The following NFIA variants were observed in gnomAD, a reference collection of about 807,000 sequenced individuals.
The protein encoded by NFIA is nuclear factor I A.
Under a neutral mutation model 62.8 loss-of-function variants are expected in NFIA, and 8 were observed. That is an observed-to-expected ratio of 0.13 (90% CI 0.07 to 0.23). The LOEUF (loss-of-function observed/expected upper bound fraction) is 0.23, where lower values mean the gene tolerates loss of function less well. Ranked by LOEUF, NFIA falls within the 10% of genes least tolerant of loss-of-function variation. The pLI is 1.00. For synonymous variants in NFIA, 235 were observed against 238.1 expected (o/e 0.99, Z 0.12); for missense variants, 410 against 642.1 (o/e 0.64, Z 3.91).
intron 10 of NFIA, among the ~76,000 whole-genome samples, chr1:61,449,622 G>C (rs952447046): frequency 6.6e-6 from 1 of 152,190 alleles, no homozygotes; most frequent in African/African-American, 2.4e-5. Flanking sequence ...GGATCCGGAA[G>C]AAGTTTAAGG....
At chr1:61,200,415 A>G (rs1367206861) in intron 2 of NFIA, among the ~76,000 whole-genome samples, 1 of 152,146 alleles carries the variant, frequency 6.6e-6, no homozygotes, top group Non-Finnish European at 1.5e-5. Context: ...TCACACAGAA[A>G]AAAAAAGAAA....
At chr1:61,216,977 G>A (rs577370068) in intron 2 of NFIA, among the ~76,000 whole-genome samples, 2 of 151,790 alleles carry the variant, frequency 1.3e-5, no homozygotes, top group South Asian at 4.2e-4. Flanking sequence ...TCCAGCCTGG[G>A]TGACAGAATG....
At position 61,284,515 on chromosome 1, in the gene NFIA, C is replaced by T. The variant is rs1233832030; in HGVS notation, c.625+6930C>T. 2.0e-5 allele frequency among the ~76,000 whole-genome samples: 3 copies of T among 148,934 alleles called. No homozygotes were observed. In the South Asian group the frequency reaches 6.3e-4, roughly 31 times the overall value. ...CAAGTGCATGACGCAGTGGAGGCTG[C>T]AGAGCTTAAGCCACGGGATCCAGTG... is the stretch of plus-strand genomic sequence containing the variant. On this transcript the variant is annotated intron_variant, in intron 3 of 10. Transcript: ENST00000403491.
intron 3 of NFIA, among the ~76,000 whole-genome samples, chr1:61,325,932 CAAA>C (rs36122626): frequency 2.5e-4 from 22 of 87,910 alleles, no homozygotes; most frequent in African/African-American, 9.2e-4. Context: ...GACTCTGTCT[CAAA>C]AAAAAAAAAA....
rs141022609 is a variant in NFIA at position 61,144,749 on chromosome 1, C to T, written c.559+56069C>T. ...TTGCTTTTCTCTCTCCAGGATCCAGCACCTGGCCTGGCACAGGGTACATGC... is the reference window on the plus strand; with the variant it reads ...TTGCTTTTCTCTCTCCAGGATCCAGTACCTGGCCTGGCACAGGGTACATGC... On this transcript the variant is annotated intron_variant, in intron 2 of 10. Coordinates refer to ENST00000403491, the MANE Select transcript of NFIA (RefSeq NM_001134673.4). 2.0e-5 allele frequency among the ~76,000 whole-genome samples: 3 copies of T among 152,348 alleles called. No homozygotes were observed. In the East Asian group the frequency reaches 5.8e-4, roughly 29 times the overall value.
chr1:61,250,855 GA>G (rs1202802545), intron 2 of NFIA, among the ~76,000 whole-genome samples: 1 of 152,140 alleles, frequency 6.6e-6, no homozygotes, highest in Non-Finnish European at 1.5e-5. Context: ...AAACTTTGTT[GA>G]AAAATCAGTG....
chr1:61,189,220 A>G (rs17121796), intron 2 of NFIA, among the ~76,000 whole-genome samples: 3,880 of 152,228 alleles, frequency 0.025, 166 homozygotes, highest in African/African-American at 0.089. Flanking sequence ...CTAAGCAGAC[A>G]AGGACAAGGA....
At chr1:61,136,393 T>C (rs537574698) in intron 2 of NFIA, among the ~76,000 whole-genome samples, 11 of 152,210 alleles carry the variant, frequency 7.2e-5, no homozygotes, top group Admixed American at 1.3e-4. Flanking sequence ...TGGTGCTCCC[T>C]GAAACATCTC....
intron 2 of NFIA, chr1:61,248,863 G>A (rs1413417137): frequency 6.6e-6 from 1 of 152,210 alleles, no homozygotes; most frequent in African/African-American, 2.4e-5. Flanking sequence ...ATAGCATTAA[G>A]GCTCTGATCT....
intron 2 of NFIA, among the ~76,000 whole-genome samples, chr1:61,194,261 C>G (rs11207710): frequency 0.29 from 43,794 of 151,914 alleles, 7,057 homozygotes; most frequent in East Asian, 0.52. Context: ...AAGTGCTCAG[C>G]ACAACACTTG....
At chr1:61,390,222 T>C (rs536582901) in intron 7 of NFIA, among the ~76,000 whole-genome samples, 2 of 152,080 alleles carry the variant, frequency 1.3e-5, no homozygotes, top group Non-Finnish European at 2.9e-5. Flanking sequence ...ATTATGGGCA[T>C]GGAAAACAGA....
chr1:61,135,634 T>C (rs1211363127), intron 2 of NFIA, among the ~76,000 whole-genome samples: 1 of 152,232 alleles, frequency 6.6e-6, no homozygotes, highest in Non-Finnish European at 1.5e-5. Context: ...CTCAAACTAC[T>C]GGGCTCAAGC....
At chr1:61,259,535 C>T (rs959189846) in intron 2 of NFIA, among the ~76,000 whole-genome samples, 13 of 152,090 alleles carry the variant, frequency 8.5e-5, no homozygotes, top group African/African-American at 3.1e-4. Context: ...TTCTCAGTAA[C>T]CAGGGTGTAG....
At chr1:61,155,925 T>A (rs1476042684) in intron 2 of NFIA, among the ~76,000 whole-genome samples, 1 of 151,936 alleles carries the variant, frequency 6.6e-6, no homozygotes, top group Non-Finnish European at 1.5e-5. Context: ...TCACCTGAGG[T>A]CAGGAGTTCG....
chr1:61,232,895 C>T (rs1654765706), intron 2 of NFIA, among the ~76,000 whole-genome samples: 1 of 152,148 alleles, frequency 6.6e-6, no homozygotes, highest in Non-Finnish European at 1.5e-5. Context: ...CTTTTTCACT[C>T]ATTGCTCATA....
chr1:61,305,728 G>A (rs1659735186), intron 3 of NFIA, among the ~76,000 whole-genome samples: 1 of 152,042 alleles, frequency 6.6e-6, no homozygotes, highest in Non-Finnish European at 1.5e-5. Flanking sequence ...CATTAGTCCC[G>A]TTTAACAGAA....
chr1:61,195,847 T>C lies in NFIA; in HGVS notation c.560-81673T>C, dbSNP rs1201735537. Among the ~76,000 whole-genome samples the C allele has an allele frequency of 3.8e-4, 58 of 152,298 alleles. 1 individual carries two copies. The highest frequency in any genetic ancestry group is 5.9e-5 in the Non-Finnish European group (4 of 68,006). On this transcript the variant is annotated intron_variant, in intron 2 of 10. Transcript: ENST00000403491. ...TTTCACTTTTTATTAACTTAGTTCT[T>C]GTGTGAGAAAGAAATGTGACGTATA...
intron 3 of NFIA, among the ~76,000 whole-genome samples, chr1:61,315,135 C>T (rs529194887): frequency 2.6e-5 from 4 of 152,244 alleles, no homozygotes; most frequent in South Asian, 4.1e-4. Context: ...CTTTTTCTAA[C>T]GATTTACTGT....
intron 10 of NFIA, among the ~76,000 whole-genome samples, chr1:61,441,505 G>A (rs904311796): frequency 4.6e-5 from 7 of 152,144 alleles, no homozygotes; most frequent in African/African-American, 1.7e-4. Context: ...AGGTTGTAGG[G>A]AGGACCTTTG....
Sources: gnomAD v4.1 joint callset for allele counts (sites outside exome capture counted in the v4.1 genomes callset) on GRCh38, gnomAD v4.1.1 for gene constraint, MANE v1.5 for transcripts, NCBI Gene and HGNC (gene_info 2026-07-23, HGNC 2026-07-21) for gene names.